Variants in TP73 observed in about 807,000 individuals in gnomAD.
The protein encoded by TP73 is tumor protein p73, also known as p53-like transcription factor.
In TP73, 25 loss-of-function variants were observed where a neutral mutation model predicts 62.5. The observed-to-expected ratio is 0.40, with a 90% CI of 0.29 to 0.56. TP73 has a LOEUF of 0.56. Among genes scored for constraint, TP73 ranks in the 20% least tolerant of loss-of-function variants. TP73 has a pLI of 0.46. For synonymous variants in TP73, 423 were observed against 377.5 expected, an observed-to-expected ratio of 1.12 and a Z score of -1.40; for missense variants, 754 against 913.3, an observed-to-expected ratio of 0.83 and a Z score of 2.25.
chr1:3,653,101 C>T (rs1375455462), intron 1 of TP73, among the ~76,000 whole-genome samples: 1 of 152,362 alleles, frequency 6.6e-6, no homozygotes, highest in South Asian at 2.1e-4. Flanking sequence ...ATCCCGAGGC[C>T]TCAGCTTCCC....
rs1638642698 is a variant in TP73 at position 3,696,199 on chromosome 1, G to A, written c.187-11350G>A. Among the ~76,000 whole-genome samples the A allele has an allele frequency of 1.3e-5, 2 of 152,142 alleles. No homozygotes were observed. Among genetic ancestry groups the A allele is most frequent in the East Asian group, 1.9e-4 (1 of 5,186 alleles). On this transcript the variant is annotated intron_variant, in intron 3 of 13. Coordinates refer to ENST00000378295, the MANE Select transcript of TP73 (RefSeq NM_005427.4). This position sits in a 1 kb window ranked among gnomAD's most constrained non-coding sequence, Gnocchi z 4.1. The stretch of plus-strand genomic sequence containing the variant: ...GCATCAGAGGAGGTGGTGGGTGGTG[G>A]TCAGGCTTAGGGTGGAGTTTGAAGG...
chr1:3,733,092 G>C lies in TP73; in HGVS notation c.*13G>C. On this transcript the variant is annotated 3_prime_UTR_variant, in exon 14 of 14. Coordinates refer to ENST00000378295, the MANE Select transcript of TP73 (RefSeq NM_005427.4). ...CGAGATCCACTGAGGGCCTCGCCTG[G>C]CTGCAGCCTGCGCCACCGCCCAGAG... The C allele has an allele frequency of 6.6e-7, 1 of 1,519,116 alleles. No individual in the cohort carries two copies. The highest frequency in any genetic ancestry group is 8.8e-7 in the Non-Finnish European group (1 of 1,135,062). The allele number at this position is 1,519,116 out of a possible 1,614,324, so 94.1% of individuals were successfully genotyped here.
At chr1:3,689,780 C>T (rs573611612) in intron 3 of TP73, among the ~76,000 whole-genome samples, 41 of 152,236 alleles carry the variant, frequency 2.7e-4, no homozygotes, top group Middle Eastern at 3.4e-3. Flanking sequence ...TCTCAGCCCT[C>T]GTGAGAGCCA....
chr1:3,691,641 G>A (rs1034625518), intron 3 of TP73, among the ~76,000 whole-genome samples: 1 of 152,176 alleles, frequency 6.6e-6, no homozygotes, highest in Non-Finnish European at 1.5e-5. Flanking sequence ...AGACTTGCCA[G>A]GTCCCTGGGG....
At chr1:3,678,022 ATCT>A (rs1250510792) in intron 1 of TP73, among the ~76,000 whole-genome samples, 4 of 152,104 alleles carry the variant, frequency 2.6e-5, no homozygotes, top group African/African-American at 9.7e-5. Flanking sequence ...CCTAGACTAA[ATCT>A]TCTTAGAAAA....
At position 3,699,070 on chromosome 1, in the gene TP73, T is replaced by C. The variant is rs1432407760; in HGVS notation, c.187-8479T>C. On this transcript the variant is annotated intron_variant, in intron 3 of 13. Coordinates refer to ENST00000378295, the MANE Select transcript of TP73 (RefSeq NM_005427.4). This position sits in a 1 kb window ranked among gnomAD's most constrained non-coding sequence, Gnocchi z 4.1. Reference sequence around the variant, plus strand: ...CTGTGGGTGAGAGCACAGGGTGCTGTGGGTGAGAGCAGAGGGTGCTGTGGA... The same window carrying C: ...CTGTGGGTGAGAGCACAGGGTGCTGCGGGTGAGAGCAGAGGGTGCTGTGGA... 6.6e-6 allele frequency among the ~76,000 whole-genome samples: 1 copy of C among 151,918 alleles called. No homozygotes were observed. Among genetic ancestry groups the C allele is most frequent in the African/African-American group, 2.4e-5 (1 of 41,334 alleles).
chr1:3,658,684 C>A (rs1317046525), intron 1 of TP73, among the ~76,000 whole-genome samples: 1 of 152,184 alleles, frequency 6.6e-6, no homozygotes, highest in Non-Finnish European at 1.5e-5. Flanking sequence ...TTTTAGGGAG[C>A]TGAAGAGCTT....
Position 3,734,044 on chromosome 1 carries a change from C to T in TP73, c.*965C>T, listed in dbSNP as rs977758015. On this transcript the variant is annotated 3_prime_UTR_variant, in exon 14 of 14. Coordinates refer to ENST00000378295, the MANE Select transcript of TP73 (RefSeq NM_005427.4). This position sits in a 1 kb window ranked among gnomAD's most constrained non-coding sequence, Gnocchi z 4.4. Reference sequence around the variant, plus strand: ...GGGCGGGACTTGTTCCCAGGAAGGCCGGGTGGGGAGGAAGCCTAGAGGGAA... The same window carrying T: ...GGGCGGGACTTGTTCCCAGGAAGGCTGGGTGGGGAGGAAGCCTAGAGGGAA... 2 of 151,918 alleles carry T rather than the reference C, an allele frequency of 1.3e-5. No homozygotes were observed. The highest frequency in any genetic ancestry group is 1.3e-4 in the Admixed American group (2 of 15,244). 9.4% of individuals were successfully genotyped at this position (151,918 alleles called of 1,614,324 possible). A position where few individuals can be genotyped will look rare whatever the true frequency, so the allele number is the denominator to read the frequency against.
At chr1:3,697,185 C>T (rs1022410581) in intron 3 of TP73, among the ~76,000 whole-genome samples, 36 of 152,108 alleles carry the variant, frequency 2.4e-4, no homozygotes, top group Admixed American at 7.9e-4. Flanking sequence ...GTCGCACCCG[C>T]GGCCCACCTC....
At chr1:3,732,725 C>G in intron 13 of TP73, 22 bp from the exon 14 acceptor site, 1 of 1,548,744 alleles carries the variant, frequency 6.5e-7, no homozygotes, top group Non-Finnish European at 8.7e-7. Flanking sequence ...CCCCCTGCCC[C>G]TAATGCGCCG....
intron 3 of TP73, among the ~76,000 whole-genome samples, chr1:3,685,664 G>C (rs1453477414): frequency 6.6e-6 from 1 of 152,190 alleles, no homozygotes; most frequent in Non-Finnish European, 1.5e-5. Flanking sequence ...GGGCAGCCTG[G>C]CACAGGGCCC....
At chr1:3,724,587 G>GC (rs1298785994) in intron 6 of TP73, among the ~76,000 whole-genome samples, 1 of 152,218 alleles carries the variant, frequency 6.6e-6, no homozygotes, top group Non-Finnish European at 1.5e-5. Flanking sequence ...GAGCTCTATC[G>GC]CCCCCTGGTG....
intron 4 of TP73, chr1:3,714,287 G>A (rs1049478907): frequency 6.6e-6 from 1 of 152,282 alleles, no homozygotes; most frequent in African/African-American, 2.4e-5. Flanking sequence ...CAGCCCCCAA[G>A]GCTGTCCCAG....
At position 3,653,478 on chromosome 1, in the gene TP73, C is replaced by T. The variant is rs114050111; in HGVS notation, c.-34+837C>T. 3.7e-3 allele frequency among the ~76,000 whole-genome samples: 558 copies of T among 152,322 alleles called. 4 individuals are homozygous for T. Among genetic ancestry groups the T allele is most frequent in the African/African-American group, 0.013 (523 of 41,560 alleles). ...AGCCCATGTAGTATGCACACGTCTG[C>T]TACATAAACAGGGGACAGATAGACG... On this transcript the variant is annotated intron_variant, in intron 1 of 13. Coordinates refer to ENST00000378295, the MANE Select transcript of TP73 (RefSeq NM_005427.4).
At position 3,687,689 on chromosome 1, in the gene TP73, C is replaced by T. The variant is rs970664905; in HGVS notation, c.186+4509C>T. Among the ~76,000 whole-genome samples, 8 of 152,172 alleles carry T rather than the reference C, an allele frequency of 5.3e-5. No individual in the cohort carries two copies. In the South Asian group the frequency reaches 1.0e-3, roughly 20 times the overall value. On this transcript the variant is annotated intron_variant, in intron 3 of 13. Coordinates refer to ENST00000378295, the MANE Select transcript of TP73 (RefSeq NM_005427.4). ...CCCTCCCCTCCCCTCCACTCTGCTC[C>T]GCTCCCGTCCTCTCCCCTCCCCTCT...
At chr1:3,730,186 G>A (rs1028633606) in intron 11 of TP73, 38 bp downstream of exon 11, 25 of 1,479,938 alleles carry the variant, frequency 1.7e-5, no homozygotes, top group Middle Eastern at 2.0e-4. Flanking sequence ...CGGGCAGGGC[G>A]GGGAGGCCCA....
chr1:3,716,973 G>A (rs3765764), intron 4 of TP73, among the ~76,000 whole-genome samples: 121,242 of 152,094 alleles, frequency 0.8, 51,110 homozygotes, highest in Non-Finnish European at 0.95. Flanking sequence ...ACAAGCAAGG[G>A]AACTGGATAA....
intron 4 of TP73, among the ~76,000 whole-genome samples, chr1:3,708,978 C>T (rs1029841665): frequency 6.6e-6 from 1 of 152,216 alleles, no homozygotes; most frequent in African/African-American, 2.4e-5. Flanking sequence ...AGGGGCCCCT[C>T]AGGTTTTTCC....
intron 4 of TP73, among the ~76,000 whole-genome samples, chr1:3,710,528 G>T (rs1310978159): frequency 1.3e-5 from 2 of 152,142 alleles, no homozygotes; most frequent in Non-Finnish European, 2.9e-5. Context: ...TGGGGCTCCC[G>T]GCACGCCAGC....
Sources: gnomAD v4.1 joint callset for allele counts (sites outside exome capture counted in the v4.1 genomes callset) on GRCh38, gnomAD v4.1.1 for gene constraint, Gnocchi (gnomAD v3.1) non-coding constraint, MANE v1.5 for transcripts, NCBI Gene and HGNC (gene_info 2026-07-23, HGNC 2026-07-21) for gene names.